TRAP1: variants seen among roughly 807,000 people sequenced by gnomAD.
TRAP1 encodes TNF receptor associated protein 1.
Under a neutral mutation model 89.1 loss-of-function variants are expected in TRAP1, and 102 were observed. The observed-to-expected ratio is 1.15, with a 90% CI of 0.98 to 1.35. The LOEUF is 1.35. Among genes scored for constraint, TRAP1 ranks in the 40% most tolerant of loss-of-function variants. TRAP1 has a pLI of 0.00. For missense variants in TRAP1, 1,256 were observed against 945.3 expected, an observed-to-expected ratio of 1.33 and a Z score of -4.31; for synonymous variants, 508 against 388.0, an observed-to-expected ratio of 1.31 and a Z score of -3.64.
intron 1 of TRAP1, among the ~76,000 whole-genome samples, chr16:3,693,444 T>C (rs558373679): frequency 6.6e-6 from 1 of 151,736 alleles, no homozygotes; most frequent in South Asian, 2.1e-4. Flanking sequence ...TATTTGGCAT[T>C]AGAGGAGTTC....
rs1240343535 is a variant in TRAP1, at chr16:3,663,530, G to A, written c.1602C>T (p.Leu534=). The A allele has an allele frequency of 1.9e-6, 3 of 1,613,986 alleles. No individual in the cohort carries two copies. The highest frequency in any genetic ancestry group is 2.5e-6 in the Non-Finnish European group (3 of 1,180,026). ...CAAACTCACGAAGGTGCAGCAGGGTGAGCTCATCAAACTGCTCAAAGCAGA... is the reference window on the plus strand; with the variant it reads ...CAAACTCACGAAGGTGCAGCAGGGTAAGCTCATCAAACTGCTCAAAGCAGA... ...VLFCFEQFDE[L]TLLHLREFDK... Residue 534 remains leucine, a synonymous_variant, in exon 14 of 18, where the codon CTC becomes CTT. Transcript: ENST00000246957.
intron 1 of TRAP1, among the ~76,000 whole-genome samples, chr16:3,705,364 C>G (rs577435806): frequency 6.6e-6 from 1 of 152,014 alleles, no homozygotes; most frequent in African/African-American, 2.4e-5. Context: ...CCACCATGCC[C>G]GGACAACTAC....
intron 1 of TRAP1, among the ~76,000 whole-genome samples, chr16:3,705,493 C>G (rs897359983): frequency 6.6e-6 from 1 of 152,150 alleles, no homozygotes; most frequent in African/African-American, 2.4e-5. Context: ...TTTGCCTTTT[C>G]TGGGCACTTC....
rs187121781 is a variant in TRAP1, at chr16:3,691,916, G to A, written c.89-931C>T. 2.5e-3 allele frequency among the ~76,000 whole-genome samples: 379 copies of A among 152,264 alleles called. 3 individuals are homozygous for A. Among genetic ancestry groups the A allele is most frequent in the African/African-American group, 8.4e-3 (349 of 41,556 alleles). ...GAGAAAGTTGCCGGCAGAGCCCAGC[G>A]AGGGAGGAAAGCAGCCAATGTGTCC... On this transcript the variant is annotated intron_variant, in intron 1 of 17. Coordinates refer to ENST00000246957, the MANE Select transcript of TRAP1 (RefSeq NM_016292.3).
chr16:3,711,079 G>A (rs1471819765), intron 1 of TRAP1, among the ~76,000 whole-genome samples: 1 of 150,822 alleles, frequency 6.6e-6, no homozygotes. Flanking sequence ...GTCTCTCTAG[G>A]TTGCCCAGGC....
intron 1 of TRAP1, among the ~76,000 whole-genome samples, chr16:3,696,228 C>T (rs544298520): frequency 6.6e-6 from 1 of 152,196 alleles, no homozygotes; most frequent in South Asian, 2.1e-4. Context: ...AAACAGGAAC[C>T]AGAGATCCCT....
chr16:3,689,321 T>G lies in TRAP1; in HGVS notation c.248-184A>C, dbSNP rs183793802. The stretch of plus-strand genomic sequence containing the variant: ...GTACAGTGGCACGATCTCGGCTCAC[T>G]GCAAGCTCTGCCTCCCGGGTTCACG... On this transcript the variant is annotated intron_variant, in intron 2 of 17. Coordinates refer to ENST00000246957, the MANE Select transcript of TRAP1 (RefSeq NM_016292.3). Among the ~76,000 whole-genome samples the G allele has an allele frequency of 1.5e-3, 226 of 149,966 alleles. 1 individual carries two copies. Among genetic ancestry groups the G allele is most frequent in the East Asian group, 0.012 (61 of 5,076 alleles).
At chr16:3,664,489 T>C (rs376729263) in intron 12 of TRAP1, 30 bp from the exon 13 acceptor site, 14 of 1,586,888 alleles carry the variant, frequency 8.8e-6, no homozygotes, top group South Asian at 1.1e-5. Context: ...TCACCACTTA[T>C]TCCAGGCCCA....
In TRAP1 at chr16:3,682,337, G is replaced by A. The variant is rs139002073; in HGVS notation, c.472-2547C>T. On this transcript the variant is annotated intron_variant, in intron 4 of 17. Coordinates refer to ENST00000246957, the MANE Select transcript of TRAP1 (RefSeq NM_016292.3). Reference sequence around the variant, plus strand: ...AGGTCAAGGTGGGAAAATTGCTTGAGCCCAGGAGTTTGACACCAGCCTGGG... The same window carrying A: ...AGGTCAAGGTGGGAAAATTGCTTGAACCCAGGAGTTTGACACCAGCCTGGG... 3.7e-3 allele frequency among the ~76,000 whole-genome samples: 543 copies of A among 146,074 alleles called. 4 individuals are homozygous for A. The highest frequency in any genetic ancestry group is 0.013 in the African/African-American group (518 of 39,284).
rs781511036 is a variant in TRAP1 at position 3,672,782 on chromosome 16, G to A, written c.1083C>T (p.Ser361=). 1.2e-6 allele frequency: 2 copies of A among 1,612,830 alleles called. No homozygotes were observed. Among genetic ancestry groups the A allele is most frequent in the South Asian group, 2.2e-5 (2 of 90,772 alleles). ...CTTTGCGGCTGTACAGTGCAACGCT[G>A]GAGCCCAGCTCCCGGCTCACATCAA... ...SMFDVSRELG[S]SVALYSRKVL... Residue 361 remains serine (S), a synonymous_variant, in exon 10 of 18, where the codon TCC becomes TCT. Coordinates refer to ENST00000246957, the MANE Select transcript of TRAP1 (RefSeq NM_016292.3).
Position 3,685,875 on chromosome 16 carries a change from GAGTTA to G in TRAP1, c.471+116_471+120del. On this transcript the variant is annotated intron_variant, in intron 4 of 17. Transcript: ENST00000246957. ...CTACTGTAACACTAAATTATAGCCAGAGTTATCCTGGTGGTACGGACGGCCAGTAC... is the reference window on the plus strand; with the variant it reads ...CTACTGTAACACTAAATTATAGCCAGTCCTGGTGGTACGGACGGCCAGTAC... The G allele has an allele frequency of 2.4e-6, 3 of 1,271,340 alleles. No individual in the cohort carries two copies. The South Asian group carries it at 4.7e-5, about 20-fold the overall frequency. 78.8% of individuals were successfully genotyped at this position (1,271,340 alleles called of 1,614,324 possible). A position where few individuals can be genotyped will look rare whatever the true frequency, so the allele number is the denominator to read the frequency against.
chr16:3,697,876 C>A (rs2051310996), intron 1 of TRAP1, among the ~76,000 whole-genome samples: 1 of 151,404 alleles, frequency 6.6e-6, no homozygotes, highest in Non-Finnish European at 1.5e-5. Flanking sequence ...GCAACCTCTG[C>A]CTCCCAGGTT....
chr16:3,703,993 C>T (rs557934922), intron 1 of TRAP1, among the ~76,000 whole-genome samples: 15 of 147,356 alleles, frequency 1.0e-4, no homozygotes, highest in South Asian at 4.3e-4. Flanking sequence ...CCAGCCTGGG[C>T]GACAGAGCGA....
At chr16:3,681,234 G>A (rs1190719841) in intron 4 of TRAP1, among the ~76,000 whole-genome samples, 1 of 152,132 alleles carries the variant, frequency 6.6e-6, no homozygotes, top group Non-Finnish European at 1.5e-5. Context: ...CTTCCTTCTA[G>A]GAAGTTCCTT....
chr16:3,663,000 C>G, intron 14 of TRAP1, 33 bp from the exon 15 acceptor site: 1 of 1,547,940 alleles, frequency 6.5e-7, no homozygotes, highest in Non-Finnish European at 8.7e-7. Flanking sequence ...GAGCTCAGGC[C>G]TGCATCCCAA....
intron 1 of TRAP1, among the ~76,000 whole-genome samples, chr16:3,692,024 C>A (rs1182324495): frequency 1.3e-5 from 2 of 152,190 alleles, no homozygotes; most frequent in Non-Finnish European, 2.9e-5. Context: ...CCAACACCAA[C>A]ACCCACTGAC....
chr16:3,696,967 TC>T (rs2051296024), intron 1 of TRAP1, among the ~76,000 whole-genome samples: 1 of 152,020 alleles, frequency 6.6e-6, no homozygotes, highest in Non-Finnish European at 1.5e-5. Context: ...GCTCAAGTGA[TC>T]CCCCGGCCTC....
intron 4 of TRAP1, among the ~76,000 whole-genome samples, chr16:3,682,514 C>A (rs944362260): frequency 6.6e-6 from 1 of 152,048 alleles, no homozygotes; most frequent in African/African-American, 2.4e-5. Flanking sequence ...CTCAGCCTCC[C>A]GAGTAGCTGG....
chr16:3,684,172 A>G (rs1006242993), intron 4 of TRAP1, among the ~76,000 whole-genome samples: 2 of 152,212 alleles, frequency 1.3e-5, no homozygotes, highest in African/African-American at 4.8e-5. Flanking sequence ...CTCTGTCTCA[A>G]ACAAAAATAA....
Sources: gnomAD v4.1 joint callset for allele counts (sites outside exome capture counted in the v4.1 genomes callset) on GRCh38, gnomAD v4.1.1 for gene constraint, MANE v1.5 for transcripts, NCBI Gene and HGNC (gene_info 2026-07-23, HGNC 2026-07-21) for gene names.